CNNM1: variants seen among roughly 807,000 people sequenced by gnomAD.
CNNM1 encodes the protein cyclin and CBS domain divalent metal cation transport mediator 1.
A neutral mutation model predicts 78.8 loss-of-function variants in CNNM1; 44 were observed. That is an observed-to-expected ratio of 0.56 (90% CI 0.44 to 0.72). CNNM1 has a LOEUF of 0.72. Among genes scored for constraint, CNNM1 ranks in the 30% least tolerant of loss-of-function variants. The pLI is 0.00. For missense variants in CNNM1, 1,101 were observed against 1,292.2 expected (o/e 0.85, Z 2.27); for synonymous variants, 584 against 581.5 (o/e 1.00, Z -0.06).
chr10:99,359,956 C>CG (rs1204606281), intron 2 of CNNM1, among the ~76,000 whole-genome samples: 14 of 149,180 alleles, frequency 9.4e-5, no homozygotes, highest in African/African-American at 2.5e-4. Context: ...AAGCGGGGGC[C>CG]GGGGGGGAAG....
chr10:99,330,680 G>A lies in CNNM1; in HGVS notation c.1293G>A (p.Glu431=). The A allele has an allele frequency of 1.2e-6, 2 of 1,614,006 alleles. No homozygotes were observed. Among genetic ancestry groups the A allele is most frequent in the Non-Finnish European group, 1.7e-6 (2 of 1,179,882 alleles). Residue 431 remains glutamate (E), a synonymous_variant, in exon 1 of 11, where the codon GAG becomes GAA. Transcript: ENST00000356713. The part of the protein sequence containing the change: ...ALELRTKVVE[E]VLTPLGDCFM... The stretch of plus-strand genomic sequence containing the variant: ...AGCTGCGCACCAAAGTTGTGGAGGA[G>A]GTGCTGACCCCCCTGGGAGACTGCT...
In CNNM1 at chr10:99,350,238, A is replaced by G. The variant is rs7074986; in HGVS notation, c.1574-7274A>G. ...AATGAATAAAAGATGCTGCAAGCAC[A>G]CCTGGAAGAAGAACGTAGCAAAAGC... is the stretch of plus-strand genomic sequence containing the variant. On this transcript the variant is annotated intron_variant, in intron 1 of 10. Transcript: ENST00000356713. Among the ~76,000 whole-genome samples, 773 of 152,340 alleles carry G rather than the reference A, an allele frequency of 5.1e-3. 8 individuals are homozygous for G. Among genetic ancestry groups the G allele is most frequent in the African/African-American group, 0.017 (713 of 41,588 alleles).
rs559824412 is a variant in CNNM1 at position 99,343,705 on chromosome 10, TTTTTG to T, written c.1573+12760_1573+12764del. Among the ~76,000 whole-genome samples, 873 of 151,972 alleles carry T rather than the reference TTTTTG, an allele frequency of 5.7e-3. 9 individuals are homozygous for T. Among genetic ancestry groups the T allele is most frequent in the African/African-American group, 0.02 (812 of 41,492 alleles). On this transcript the variant is annotated intron_variant, in intron 1 of 10. Transcript: ENST00000356713. ...TCACTCTGAGACTTGTCTTCCTTCT[TTTTTG>T]TTTTGTTTTGTTTTTTTGTTTTGAG...
intron 1 of CNNM1, among the ~76,000 whole-genome samples, chr10:99,353,382 G>A (rs2031016742): frequency 6.6e-6 from 1 of 152,212 alleles, no homozygotes; most frequent in Non-Finnish European, 1.5e-5. Flanking sequence ...CTGACACTGT[G>A]CCTGGCCCCT....
rs2031997160 is a variant in CNNM1, at chr10:99,377,195, C to G, written c.2317C>G (p.Leu773Val). ...LYMPDYSVHI[L>V]SDVQFVKITR... ...CATGCCTGACTACTCAGTCCACATC[C>G]TCAGCGATGTGCAGTTTGTGAAGGT... The change falls in exon 7 of 11, where the codon CTC becomes GTC. Residue 773 changes from leucine (L) to valine (V), a missense_variant. Leu to Val is a conservative substitution (Grantham distance 32). Coordinates refer to ENST00000356713, the MANE Select transcript of CNNM1 (RefSeq NM_020348.3). 1.2e-6 allele frequency: 2 copies of G among 1,613,636 alleles called. No homozygotes were observed. The highest frequency in any genetic ancestry group is 1.1e-5 in the South Asian group (1 of 90,952).
chr10:99,365,641 C>T (rs1189811317), intron 6 of CNNM1, among the ~76,000 whole-genome samples: 1 of 152,160 alleles, frequency 6.6e-6, no homozygotes, highest in African/African-American at 2.4e-5. Flanking sequence ...TGCACTTGTG[C>T]TTAAAGGGCA....
chr10:99,366,058 T>C (rs2031606178), intron 6 of CNNM1, among the ~76,000 whole-genome samples: 1 of 152,330 alleles, frequency 6.6e-6, no homozygotes, highest in African/African-American at 2.4e-5. Context: ...GTGGAAATAG[T>C]GGAACAATTT....
chr10:99,350,049 C>T (rs1236547320), intron 1 of CNNM1, among the ~76,000 whole-genome samples: 4 of 152,108 alleles, frequency 2.6e-5, no homozygotes, highest in African/African-American at 9.7e-5. Flanking sequence ...CTGCCCCACC[C>T]AGCAAGATCC....
chr10:99,335,727 G>C (rs1000314133), intron 1 of CNNM1, among the ~76,000 whole-genome samples: 1 of 152,144 alleles, frequency 6.6e-6, no homozygotes, highest in East Asian at 1.9e-4. Flanking sequence ...AAATAGCATA[G>C]ACTGGTGACC....
rs144489322 is a variant in CNNM1, at chr10:99,331,118, C to T, written c.1573+158C>T. ...CTCTTGGCTCCCTGGCTATTTTCAT[C>T]TCACTTCTGCCTCACTTCTTGCTCC... On this transcript the variant is annotated intron_variant, in intron 1 of 10. Transcript: ENST00000356713. Among the ~76,000 whole-genome samples the T allele has an allele frequency of 3.3e-3, 505 of 152,296 alleles. 1 individual carries two copies. Among genetic ancestry groups the T allele is most frequent in the African/African-American group, 9.4e-3 (389 of 41,566 alleles).
At chr10:99,336,079 A>G (rs769879219) in intron 1 of CNNM1, among the ~76,000 whole-genome samples, 12 of 152,238 alleles carry the variant, frequency 7.9e-5, no homozygotes, top group Non-Finnish European at 1.3e-4. Context: ...AGCTGGCCAA[A>G]TAATTGGATG....
At position 99,391,639 on chromosome 10, in the gene CNNM1, C is replaced by T; in HGVS notation, c.*123C>T. The T allele has an allele frequency of 1.3e-6, 1 of 764,940 alleles. No individual in the cohort carries two copies. The highest frequency in any genetic ancestry group is 1.8e-5 in the South Asian group (1 of 56,290). 47.4% of individuals were successfully genotyped at this position (764,940 alleles called of 1,614,324 possible). ...TGACAGAATGTTCTGCCTTCCCTTC[C>T]ATCTCTTCACCCCTAGCTGTCAGTT... On this transcript the variant is annotated 3_prime_UTR_variant, in exon 11 of 11. Coordinates refer to ENST00000356713, the MANE Select transcript of CNNM1 (RefSeq NM_020348.3).
chr10:99,340,280 A>G (rs1180780492), intron 1 of CNNM1, among the ~76,000 whole-genome samples: 1 of 152,234 alleles, frequency 6.6e-6, no homozygotes, highest in Non-Finnish European at 1.5e-5. Flanking sequence ...GGGGCACTGA[A>G]AAAACCTGTG....
intron 6 of CNNM1, among the ~76,000 whole-genome samples, chr10:99,367,893 C>T (rs913904419): frequency 6.6e-6 from 1 of 152,050 alleles, no homozygotes; most frequent in African/African-American, 2.4e-5. Context: ...ACACACTGAA[C>T]TCTACCCGGG....
intron 1 of CNNM1, 132 bp downstream of exon 1, chr10:99,331,092 C>T (rs1465942927): frequency 2.4e-5 from 20 of 844,948 alleles, no homozygotes; most frequent in Non-Finnish European, 3.4e-5. Context: ...GAAGACTCTA[C>T]CTCTTGGCTC....
intron 2 of CNNM1, among the ~76,000 whole-genome samples, chr10:99,358,609 G>A (rs969211574): frequency 6.6e-6 from 1 of 152,168 alleles, no homozygotes; most frequent in African/African-American, 2.4e-5. Flanking sequence ...AGACAAAGAA[G>A]AGATCAACTC....
Position 99,350,411 on chromosome 10 carries a change from A to G in CNNM1, c.1574-7101A>G, listed in dbSNP as rs533208239. On this transcript the variant is annotated intron_variant, in intron 1 of 10. Transcript: ENST00000356713. ...GAACAGTTACCAAAGTGCTGTAGCTATTTTTGAAGAAGAGAGGAAGCAAAT... is the reference window on the plus strand; with the variant it reads ...GAACAGTTACCAAAGTGCTGTAGCTGTTTTTGAAGAAGAGAGGAAGCAAAT... 2.6e-5 allele frequency among the ~76,000 whole-genome samples: 4 copies of G among 152,296 alleles called. No homozygotes were observed. The South Asian group carries it at 8.3e-4, about 32-fold the overall frequency.
intron 1 of CNNM1, among the ~76,000 whole-genome samples, chr10:99,356,506 G>GAGAA (rs2031156931): frequency 3.8e-5 from 5 of 131,058 alleles, no homozygotes; most frequent in African/African-American, 8.4e-5. Flanking sequence ...GAGAGAGAGA[G>GAGAA]AGAGAAAGAG....
chr10:99,348,051 T>TATA (rs58994103), intron 1 of CNNM1, among the ~76,000 whole-genome samples: 23,582 of 137,610 alleles, frequency 0.17, 2,438 homozygotes, highest in African/African-American at 0.3. Flanking sequence ...TATATATATA[T>TATA]TTTTTTTTTT....
Sources: gnomAD v4.1 joint callset for allele counts (sites outside exome capture counted in the v4.1 genomes callset) on GRCh38, gnomAD v4.1.1 for gene constraint, MANE v1.5 for transcripts, NCBI Gene and HGNC (gene_info 2026-07-23, HGNC 2026-07-21) for gene names.